The following FBXL22 variants were observed in gnomAD, a reference collection of about 807,000 sequenced individuals.
FBXL22 encodes F-box and leucine-rich protein 22.
Under a neutral mutation model 11.7 loss-of-function variants are expected in FBXL22, and 13 were observed. The ratio of observed to expected loss-of-function variants is 1.11; its 90% confidence interval spans 0.73 to 1.77. FBXL22 has a LOEUF of 1.77. Among genes scored for constraint, FBXL22 ranks in the 40% most tolerant of loss-of-function variants. The probability of loss-of-function intolerance (pLI) is 0.00; values close to 1 mark genes in which losing one functional copy is unlikely to be tolerated. For missense variants in FBXL22, 406 were observed against 320.4 expected (o/e 1.27, Z -2.04); for synonymous variants, 160 against 144.1 (o/e 1.11, Z -0.79).
rs1595792810 is a variant in FBXL22, at chr15:63,597,806, G to C, written c.353+61G>C. 4 of 1,464,858 alleles carry C rather than the reference G, an allele frequency of 2.7e-6. No homozygotes were observed. Among genetic ancestry groups the C allele is most frequent in the Admixed American group, 4.4e-5 (2 of 45,972 alleles). 90.7% of individuals were successfully genotyped at this position (1,464,858 alleles called of 1,614,324 possible). A position where few individuals can be genotyped will look rare whatever the true frequency, so the allele number is the denominator to read the frequency against. On this transcript the variant is annotated intron_variant, in intron 1 of 1. Transcript: ENST00000638704. This position sits in a 1 kb window ranked among gnomAD's most constrained non-coding sequence, Gnocchi z 4.3. Reference sequence around the variant, plus strand: ...GCTAGCTCTGGCTTCCCTCTTGGGGGGCAGGGAAGAGCAAATTACGAGACC... The same window carrying C: ...GCTAGCTCTGGCTTCCCTCTTGGGGCGCAGGGAAGAGCAAATTACGAGACC...
downstream of FBXL22, among the ~76,000 whole-genome samples, chr15:63,606,414 C>T (rs62012786): frequency 0.14 from 21,590 of 152,166 alleles, 2,079 homozygotes; most frequent in Middle Eastern, 0.21. Context: ...ATAAAAACTG[C>T]AAGTATCTGT....
chr15:63,601,314 C>G (rs1304137540), downstream of FBXL22: 1 of 1,592,386 alleles, frequency 6.3e-7, no homozygotes, highest in African/African-American at 1.4e-5. Context: ...CTGTGCGCTC[C>G]CCACGGAGGC....
At position 63,600,768 on chromosome 15, in the gene FBXL22, T is replaced by G. The variant is rs953071071; in HGVS notation, c.425T>G (p.Leu142Arg). 1.3e-5 allele frequency: 16 copies of G among 1,231,240 alleles called. No homozygotes were observed. Among genetic ancestry groups the G allele is most frequent in the Admixed American group, 8.4e-5 (2 of 23,696 alleles). The allele number at this position is 1,231,240 out of a possible 1,614,324, so 76.3% of individuals were successfully genotyped here. Residue 142 changes from leucine (L) to arginine (R), a missense_variant, in exon 2 of 2, where the codon CTG (leucine) becomes CGG (arginine). By Grantham distance (102) the Leu-to-Arg change is moderately radical (BLOSUM62 -2). Transcript: ENST00000638704. Reference sequence around the variant, plus strand: ...ACCGACGACTGCCTGGCGCGCCTGCTGCGCTGCTGCCCACGCCTGCGCGCA... The same window carrying G: ...ACCGACGACTGCCTGGCGCGCCTGCGGCGCTGCTGCCCACGCCTGCGCGCA... ...HVTDDCLARL[L>R]RCCPRLRALR...
In FBXL22 at chr15:63,601,062, G is replaced by A. The variant is rs1566929776; in HGVS notation, c.*23G>A. 5 of 1,230,816 alleles carry A rather than the reference G, an allele frequency of 4.1e-6. No homozygotes were observed. The highest frequency in any genetic ancestry group is 4.2e-5 in the Admixed American group (1 of 23,578). The allele number at this position is 1,230,816 out of a possible 1,614,324, so 76.2% of individuals were successfully genotyped here. A position where few individuals can be genotyped will look rare whatever the true frequency, so the allele number is the denominator to read the frequency against. ...TAGACGCCGCCCCGCCGCTGCCCCC[G>A]GGGAAGGAGCGCAGCCCCAGACCGT... On this transcript the variant is annotated 3_prime_UTR_variant, in exon 2 of 2. Transcript: ENST00000638704.
intron 1 of FBXL22, chr15:63,599,569 CA>C: frequency 9.7e-7 from 1 of 1,034,060 alleles, no homozygotes; most frequent in Non-Finnish European, 1.2e-6. Flanking sequence ...TGAGGGCACA[CA>C]AACCTGAAGG....
At chr15:63,601,429 G>C, downstream of FBXL22, 1 of 1,587,506 alleles carries the variant, frequency 6.3e-7, no homozygotes, top group Non-Finnish European at 8.6e-7. Flanking sequence ...GCGCTCGGGG[G>C]TGACGGGGGC....
At position 63,600,125 on chromosome 15, in the gene FBXL22, C is replaced by T. The variant is rs2067343408; in HGVS notation, c.354-572C>T. On this transcript the variant is annotated intron_variant, in intron 1 of 1. Transcript: ENST00000638704. The stretch of plus-strand genomic sequence containing the variant: ...CCTACCCTTTTCCAGGCTGGTGGCC[C>T]AGGGGATGCAGGAACAGCTCTAGTC... 7.1e-6 allele frequency: 7 copies of T among 985,672 alleles called. No homozygotes were observed. In the South Asian group the frequency reaches 2.8e-4, roughly 40 times the overall value. The allele number at this position is 985,672 out of a possible 1,614,324, so 61.1% of individuals were successfully genotyped here.
downstream of FBXL22, chr15:63,601,604 A>T: frequency 6.3e-7 from 1 of 1,585,644 alleles, no homozygotes; most frequent in Non-Finnish European, 8.6e-7. Flanking sequence ...AGAAGGAGCC[A>T]CCGAGCCGCT....
intron 1 of FBXL22, chr15:63,599,547 C>T (rs551804816): frequency 2.8e-6 from 3 of 1,065,404 alleles, no homozygotes; most frequent in East Asian, 7.2e-5. Flanking sequence ...CAGAGGTTGA[C>T]GGGGTGACTA....
chr15:63,603,614 G>A (rs796724545), downstream of FBXL22, among the ~76,000 whole-genome samples: 1 of 152,208 alleles, frequency 6.6e-6, no homozygotes, highest in East Asian at 1.9e-4. Context: ...AAGTCCCAGC[G>A]GCCCTGGATT....
downstream of FBXL22, among the ~76,000 whole-genome samples, chr15:63,603,573 GA>G (rs2067397463): frequency 6.6e-6 from 1 of 152,208 alleles, no homozygotes; most frequent in African/African-American, 2.4e-5. Flanking sequence ...CCCCCAGAAG[GA>G]ACCAGGGCGC....
At chr15:63,608,108 C>A in the FBXL22 span, among the ~76,000 whole-genome samples, 32 of 152,254 alleles carry the variant, frequency 2.1e-4, no homozygotes, top group Non-Finnish European at 4.0e-4. Context: ...TGCCTGCTAG[C>A]AGTTGCTGGC....
At chr15:63,606,169 C>T (rs2067412000), downstream of FBXL22, among the ~76,000 whole-genome samples, 1 of 152,202 alleles carries the variant, frequency 6.6e-6, no homozygotes, top group Non-Finnish European at 1.5e-5. Context: ...TTTATAAAGG[C>T]AGAGATCATC....
chr15:63,600,470 C>T (rs117539833), intron 1 of FBXL22: 22,086 of 1,220,084 alleles, frequency 0.018, 252 homozygotes, highest in South Asian at 0.038. Context: ...AGGCTACGAG[C>T]CAAGAACCCA....
chr15:63,600,452 G>A lies in FBXL22; in HGVS notation c.354-245G>A, dbSNP rs2067348739. The stretch of plus-strand genomic sequence containing the variant: ...GCCGGGGTCGGGGCTTCCCACTAGG[G>A]GCTCCCAAGGCTACGAGCCAAGAAC... On this transcript the variant is annotated intron_variant, in intron 1 of 1. Transcript: ENST00000638704. 6 of 1,213,106 alleles carry A rather than the reference G, an allele frequency of 4.9e-6. No individual in the cohort carries two copies. The East Asian group carries it at 1.6e-4, about 33-fold the overall frequency. 75.1% of individuals were successfully genotyped at this position (1,213,106 alleles called of 1,614,324 possible). A position where few individuals can be genotyped will look rare whatever the true frequency, so the allele number is the denominator to read the frequency against.
chr15:63,608,339 C>T, the FBXL22 span, among the ~76,000 whole-genome samples: 5 of 152,210 alleles, frequency 3.3e-5, no homozygotes, highest in East Asian at 1.9e-4. Flanking sequence ...CTGAGAGGGG[C>T]GGAGCAGCTG....
At chr15:63,605,847 G>C (rs2067410392), downstream of FBXL22, among the ~76,000 whole-genome samples, 1 of 152,224 alleles carries the variant, frequency 6.6e-6, no homozygotes, top group Non-Finnish European at 1.5e-5. Context: ...CTGGCTGAAG[G>C]CTGACCTGTC....
downstream of FBXL22, among the ~76,000 whole-genome samples, chr15:63,602,757 A>AG (rs980103906): frequency 1.8e-4 from 27 of 152,238 alleles, no homozygotes; most frequent in African/African-American, 6.0e-4. Flanking sequence ...GAAGTGAGGC[A>AG]GGGGGCATAG....
chr15:63,597,912 C>CA lies in FBXL22; in HGVS notation c.353+169dup, dbSNP rs1308855265. Among the ~76,000 whole-genome samples the CA allele has an allele frequency of 6.6e-6, 1 of 152,236 alleles. No individual in the cohort carries two copies. The highest frequency in any genetic ancestry group is 1.5e-5 in the Non-Finnish European group (1 of 68,046). On this transcript the variant is annotated intron_variant, in intron 1 of 1. Coordinates refer to ENST00000638704, the MANE Select transcript of FBXL22 (RefSeq NM_001367807.1). The surrounding 1 kb of genome is among the most constrained non-coding windows in gnomAD (Gnocchi z 4.3). ...CGCCCAAAGCAGGGTCCCCAGGAGA[C>CA]AATAAAATCATGAGGGAAACAATTG...
Sources: gnomAD v4.1 joint callset for allele counts (sites outside exome capture counted in the v4.1 genomes callset) on GRCh38, gnomAD v4.1.1 for gene constraint, Gnocchi (gnomAD v3.1) non-coding constraint, MANE v1.5 for transcripts, NCBI Gene and HGNC (gene_info 2026-07-23, HGNC 2026-07-21) for gene names.